Variants in HS6ST2 observed in about 807,000 individuals in gnomAD.
The protein encoded by HS6ST2 is heparan sulfate 6-O-sulfotransferase 2.
Under a neutral mutation model 33.0 loss-of-function variants are expected in HS6ST2, and 17 were observed. The observed-to-expected ratio is 0.52, with a 90% CI of 0.35 to 0.77. The LOEUF (loss-of-function observed/expected upper bound fraction) is 0.77. HS6ST2 is among the 30% of genes least tolerant of loss of function. The probability of loss-of-function intolerance (pLI) is 0.01; values close to 1 mark genes in which losing one functional copy is unlikely to be tolerated. For missense variants in HS6ST2, 519 were observed against 551.7 expected (o/e 0.94, Z 0.59); for synonymous variants, 248 against 237.1 (o/e 1.05, Z -0.42).
intron 2 of HS6ST2, among the ~76,000 whole-genome samples, chrX:132,781,490 G>C (rs897718479): frequency 1.8e-5 from 2 of 111,690 alleles, no homozygotes; most frequent in Admixed American, 1.9e-4. Context: ...TGAGGAAGAT[G>C]AGTATTCTCA....
chrX:132,902,416 T>C (rs2066434182), intron 2 of HS6ST2, among the ~76,000 whole-genome samples: 1 of 112,415 alleles, frequency 8.9e-6, no homozygotes, highest in African/African-American at 3.2e-5. Context: ...TAACACTAAT[T>C]AATGACAGCA....
chrX:132,723,159 A>C (rs1048121291), intron 2 of HS6ST2, among the ~76,000 whole-genome samples: 2 of 111,615 alleles, frequency 1.8e-5, no homozygotes, highest in Non-Finnish European at 3.8e-5. Context: ...GACCAATAGC[A>C]AGTCATGAGA....
rs1200098033 is a variant in HS6ST2 at position 132,932,891 on chromosome X, A to C, written c.947+23917T>G. Among the ~76,000 whole-genome samples, 9 of 105,611 alleles carry C rather than the reference A, an allele frequency of 8.5e-5. No individual in the cohort carries two copies. The East Asian group carries it at 2.6e-3, about 30-fold the overall frequency. 91.7% of individuals were successfully genotyped at this position (105,611 alleles called of 115,157 possible). A position where few individuals can be genotyped will look rare whatever the true frequency, so the allele number is the denominator to read the frequency against. ...ATATATTCTATTCTATATATATTCT[A>C]TATTCTATAATATATATTTATATAT... On this transcript the variant is annotated intron_variant, in intron 2 of 4. Coordinates refer to ENST00000370833, the MANE Select transcript of HS6ST2 (RefSeq NM_001394073.1).
intron 2 of HS6ST2, among the ~76,000 whole-genome samples, chrX:132,822,946 C>A (rs1458697049): frequency 8.9e-6 from 1 of 112,381 alleles, no homozygotes; most frequent in East Asian, 2.8e-4. Context: ...AGCCAAGAGT[C>A]CACTGTAAAG....
Position 132,899,786 on chromosome X carries a change from C to CA in HS6ST2, c.947+57021dup, listed in dbSNP as rs775417283. ...AGCCAAAAATAAAAGGAAAAAACCA[C>CA]ACCATAGCAAATCATTATCTAAGTA... On this transcript the variant is annotated intron_variant, in intron 2 of 4. Coordinates refer to ENST00000370833, the MANE Select transcript of HS6ST2 (RefSeq NM_001394073.1). 2.7e-5 allele frequency among the ~76,000 whole-genome samples: 3 copies of CA among 111,603 alleles called. No homozygotes were observed. In the East Asian group the frequency reaches 8.4e-4, roughly 31 times the overall value.
intron 2 of HS6ST2, among the ~76,000 whole-genome samples, chrX:132,938,712 T>G (rs2066854190): frequency 9.0e-6 from 1 of 111,245 alleles, no homozygotes; most frequent in Non-Finnish European, 1.9e-5. Context: ...ATAAAGAAGT[T>G]CATTATAGCC....
intron 4 of HS6ST2, among the ~76,000 whole-genome samples, chrX:132,661,058 C>T (rs190484499): frequency 6.3e-5 from 7 of 111,270 alleles, no homozygotes; most frequent in South Asian, 3.8e-4. Context: ...ACGAGGAAAC[C>T]GCCCCCATGA....
chrX:132,629,069 G>C lies in HS6ST2; in HGVS notation c.1092C>G (p.Leu364=). 1 of 1,199,521 alleles carries C rather than the reference G, an allele frequency of 8.3e-7. No individual in the cohort carries two copies. The highest frequency in any genetic ancestry group is 2.3e-4 in the Middle Eastern group (1 of 4,309). Residue 364 remains leucine (L), a synonymous_variant, in exon 5 of 5, where the codon CTC becomes CTG. Transcript: ENST00000370833. The part of the protein sequence containing the change: ...SGKNFHYITI[L]RDPVSRYLSE... ...TCAAGTACCGGGACACTGGGTCTCGGAGGATGGTGATGTAGTGGAAGTTCC... is the reference window on the plus strand; with the variant it reads ...TCAAGTACCGGGACACTGGGTCTCGCAGGATGGTGATGTAGTGGAAGTTCC...
intron 3 of HS6ST2, among the ~76,000 whole-genome samples, chrX:132,692,780 A>C (rs1163653347): frequency 8.9e-6 from 1 of 112,188 alleles, no homozygotes; most frequent in Non-Finnish European, 1.9e-5. Context: ...CACTTTGCTC[A>C]GACCTGATTA....
chrX:132,849,897 A>C (rs761728420), intron 2 of HS6ST2, among the ~76,000 whole-genome samples: 73 of 112,401 alleles, frequency 6.5e-4, no homozygotes, highest in African/African-American at 2.1e-3. Context: ...AAAATCATCC[A>C]GTTGAACCCT....
intron 4 of HS6ST2, among the ~76,000 whole-genome samples, chrX:132,651,178 C>G (rs1006017661): frequency 8.9e-6 from 1 of 112,259 alleles, no homozygotes; most frequent in African/African-American, 3.2e-5. Context: ...CTAGTACTCA[C>G]TATTTCATAT....
Position 132,942,562 on chromosome X carries a change from T to C in HS6ST2, c.947+14246A>G, listed in dbSNP as rs568850023. Among the ~76,000 whole-genome samples, 47 of 112,184 alleles carry C rather than the reference T, an allele frequency of 4.2e-4. No individual in the cohort carries two copies. In the Middle Eastern group the frequency reaches 0.018, roughly 44 times the overall value. On this transcript the variant is annotated intron_variant, in intron 2 of 4. Coordinates refer to ENST00000370833, the MANE Select transcript of HS6ST2 (RefSeq NM_001394073.1). ...ATTTCAGCAACAAAATGGATTCTTA[T>C]TATCTTCATGATGAGCCCCCAAAAT... is the stretch of plus-strand genomic sequence containing the variant.
intron 2 of HS6ST2, among the ~76,000 whole-genome samples, chrX:132,808,122 G>A (rs771395150): frequency 9.0e-6 from 1 of 111,357 alleles, no homozygotes; most frequent in Non-Finnish European, 1.9e-5. Context: ...AGAAGATCAG[G>A]CAGGTGAATG....
intron 2 of HS6ST2, among the ~76,000 whole-genome samples, chrX:132,939,873 C>G (rs2066869465): frequency 9.0e-6 from 1 of 111,399 alleles, no homozygotes; most frequent in Non-Finnish European, 1.9e-5. Flanking sequence ...CAATACTCCC[C>G]AAAATTGATC....
chrX:132,865,460 C>T (rs2065963904), intron 2 of HS6ST2, among the ~76,000 whole-genome samples: 1 of 109,638 alleles, frequency 9.1e-6, no homozygotes, highest in South Asian at 4.1e-4. Flanking sequence ...GTCTTTATAG[C>T]AGCATGATTT....
At chrX:132,664,513 A>G (rs991985516) in intron 4 of HS6ST2, among the ~76,000 whole-genome samples, 2 of 111,898 alleles carry the variant, frequency 1.8e-5, no homozygotes, top group South Asian at 3.8e-4. Context: ...GTCAGCTCCA[A>G]GTAGATTTGT....
intron 2 of HS6ST2, among the ~76,000 whole-genome samples, chrX:132,928,436 T>C (rs771994435): frequency 3.6e-5 from 4 of 111,030 alleles, no homozygotes; most frequent in Non-Finnish European, 5.7e-5. Flanking sequence ...CCAGATCTCA[T>C]GTGAATTCAG....
At chrX:132,936,227 T>G (rs994838126) in intron 2 of HS6ST2, among the ~76,000 whole-genome samples, 3 of 110,803 alleles carry the variant, frequency 2.7e-5, no homozygotes, top group Non-Finnish European at 5.7e-5. Context: ...ACTGGATAAC[T>G]TGGAAAGAAC....
chrX:132,662,661 T>TG (rs946072098), intron 4 of HS6ST2, among the ~76,000 whole-genome samples: 10 of 111,884 alleles, frequency 8.9e-5, no homozygotes, highest in African/African-American at 2.9e-4. Context: ...TATGTTGGGT[T>TG]GGGGGGGTGG....
Sources: allele counts gnomAD v4.1 joint callset (sites outside exome capture counted in the v4.1 genomes callset), GRCh38; gene constraint gnomAD v4.1.1; transcripts MANE v1.5; gene names NCBI Gene and HGNC (gene_info 2026-07-23, HGNC 2026-07-21).